Variants in NR1H4 observed in about 807,000 individuals in gnomAD.
NR1H4 encodes the protein bile acid receptor.
A neutral mutation model predicts 58.5 loss-of-function variants in NR1H4; 23 were observed. That is an observed-to-expected ratio of 0.39 (90% CI 0.28 to 0.56). The LOEUF (loss-of-function observed/expected upper bound fraction) is 0.56, where lower values mean the gene tolerates loss of function less well. NR1H4 is among the 20% of genes least tolerant of loss of function. The probability of loss-of-function intolerance (pLI) is 0.58; values close to 1 mark genes in which losing one functional copy is unlikely to be tolerated. For synonymous variants in NR1H4, 214 were observed against 198.0 expected (o/e 1.08, Z -0.68); for missense variants, 487 against 576.9 (o/e 0.84, Z 1.60).
At chr12:100,531,022 G>A (rs1159790497) in intron 4 of NR1H4, among the ~76,000 whole-genome samples, 1 of 152,158 alleles carries the variant, frequency 6.6e-6, no homozygotes, top group Non-Finnish European at 1.5e-5. Context: ...AGCCATTATG[G>A]GGTTATCTTA....
intron 1 of NR1H4, among the ~76,000 whole-genome samples, chr12:100,483,485 C>G (rs994494781): frequency 2.0e-5 from 3 of 152,062 alleles, no homozygotes; most frequent in African/African-American, 7.2e-5. Context: ...ATGATGTGGT[C>G]CAATGGTCAT....
At chr12:100,532,831 C>T (rs573221921) in intron 5 of NR1H4, among the ~76,000 whole-genome samples, 83 of 152,100 alleles carry the variant, frequency 5.5e-4, no homozygotes, top group Non-Finnish European at 9.9e-4. Flanking sequence ...TTTTCTTTGT[C>T]GCAGTGAACT....
At chr12:100,556,637 GTA>G (rs2136307896) in intron 9 of NR1H4, among the ~76,000 whole-genome samples, 1 of 152,286 alleles carries the variant, frequency 6.6e-6, no homozygotes, top group South Asian at 2.1e-4. Flanking sequence ...CTCGTGGCAT[GTA>G]TATATGTTTC....
chr12:100,555,710 C>T (rs186072756), intron 9 of NR1H4, among the ~76,000 whole-genome samples: 3 of 152,262 alleles, frequency 2.0e-5, no homozygotes, highest in Non-Finnish European at 2.9e-5. Context: ...TTATATTACA[C>T]GTGACAACAT....
At chr12:100,512,283 T>C (rs1487489331) in intron 4 of NR1H4, among the ~76,000 whole-genome samples, 2 of 151,938 alleles carry the variant, frequency 1.3e-5, no homozygotes, top group Admixed American at 6.6e-5. Flanking sequence ...ATGGATGCTA[T>C]AGAGAAATCA....
At chr12:100,488,126 G>A (rs372057746) in intron 1 of NR1H4, among the ~76,000 whole-genome samples, 7 of 152,034 alleles carry the variant, frequency 4.6e-5, no homozygotes, top group Admixed American at 2.6e-4. Context: ...TCAGCCTCTC[G>A]AGTAGCTGGG....
At chr12:100,519,117 C>T (rs75562460) in intron 4 of NR1H4, among the ~76,000 whole-genome samples, 83 of 152,086 alleles carry the variant, frequency 5.5e-4, no homozygotes, top group African/African-American at 1.5e-3. Flanking sequence ...GGTTGGTGTA[C>T]GAATTAACTG....
rs7304328 is a variant in NR1H4, at chr12:100,493,523, T to C, written c.79+121T>C. 72,193 of 668,952 alleles carry C rather than the reference T, an allele frequency of 0.11. 10,749 individuals are homozygous for C. Among genetic ancestry groups the C allele is most frequent in the East Asian group, 0.5 (18,110 of 36,456 alleles). The allele number at this position is 668,952 out of a possible 1,614,324, so 41.4% of individuals were successfully genotyped here. A position where few individuals can be genotyped will look rare whatever the true frequency, so the allele number is the denominator to read the frequency against. On this transcript the variant is annotated intron_variant, in intron 3 of 10. Coordinates refer to ENST00000392986, the MANE Select transcript of NR1H4 (RefSeq NM_001206979.2). ...AGAACATGTTTTTGTTCCTTCCAAG[T>C]ACTCAATCAATGTTAGCTACTCTGC...
At chr12:100,483,985 G>GAAA (rs61582838) in intron 1 of NR1H4, among the ~76,000 whole-genome samples, 842 of 70,174 alleles carry the variant, frequency 0.012, 15 homozygotes, top group African/African-American at 0.031. Flanking sequence ...CTCTGTCTCA[G>GAAA]AAAAAAAAAA....
intron 4 of NR1H4, among the ~76,000 whole-genome samples, chr12:100,513,801 A>AAAGGAAGG (rs199813041): frequency 0.016 from 1,838 of 115,844 alleles, 19 homozygotes; most frequent in Middle Eastern, 0.021. Context: ...TCAAAGACAG[A>AAAGGAAGG]AAGGAAGGAA....
At position 100,563,478 on chromosome 12, in the gene NR1H4, G is replaced by A. The variant is rs1198961142; in HGVS notation, c.1420G>A (p.Asp474Asn). 1.2e-6 allele frequency: 2 copies of A among 1,613,426 alleles called. No individual in the cohort carries two copies. The highest frequency in any genetic ancestry group is 2.2e-5 in the East Asian group (1 of 44,890). The change falls in exon 11 of 11, where the codon GAC becomes AAC. Residue 474 changes from aspartate to asparagine, a missense_variant. Asp to Asn is a conservative substitution (Grantham distance 23). Coordinates refer to ENST00000392986, the MANE Select transcript of NR1H4 (RefSeq NM_001206979.2). Reference sequence around the variant, plus strand: ...TACCCCACTTCTCTGTGAAATCTGGGACGTGCAGTGATGGGGATTACAGGG... The same window carrying A: ...TACCCCACTTCTCTGTGAAATCTGGAACGTGCAGTGATGGGGATTACAGGG... ...KFTPLLCEIWDVQ is the reference protein window; with the variant it reads ...KFTPLLCEIWNVQ
chr12:100,530,043 T>C (rs1954654873), intron 4 of NR1H4, among the ~76,000 whole-genome samples: 1 of 152,260 alleles, frequency 6.6e-6, no homozygotes. Context: ...TATATTATGC[T>C]GTAAATTTAC....
At chr12:100,508,136 A>G (rs1954013614) in intron 3 of NR1H4, among the ~76,000 whole-genome samples, 1 of 152,008 alleles carries the variant, frequency 6.6e-6, no homozygotes. Context: ...TGTTGGGAAG[A>G]CTTCCCAAGA....
intron 4 of NR1H4, among the ~76,000 whole-genome samples, chr12:100,522,237 A>C (rs1954443201): frequency 6.6e-6 from 1 of 152,028 alleles, no homozygotes; most frequent in Non-Finnish European, 1.5e-5. Context: ...GATGATGATG[A>C]TAGTAATAAT....
At position 100,552,778 on chromosome 12, in the gene NR1H4, A is replaced by T. The variant is rs539113415; in HGVS notation, c.1079-9107A>T. 1.2e-3 allele frequency among the ~76,000 whole-genome samples: 181 copies of T among 152,144 alleles called. 4 individuals carry two copies. The South Asian group carries it at 0.036, about 30-fold the overall frequency. ...TCTCTACAAAAAATAAAATGTCTGG[A>T]TGTGGTGGTGCATACCTGTAGTCCT... On this transcript the variant is annotated intron_variant, in intron 9 of 10. Transcript: ENST00000392986.
intron 4 of NR1H4, among the ~76,000 whole-genome samples, chr12:100,530,824 G>A (rs1046489157): frequency 6.6e-6 from 1 of 152,184 alleles, no homozygotes; most frequent in African/African-American, 2.4e-5. Flanking sequence ...GTTGCCCCAA[G>A]CCCAATGAAA....
intron 9 of NR1H4, among the ~76,000 whole-genome samples, chr12:100,554,701 C>T (rs887724573): frequency 2.0e-5 from 3 of 152,110 alleles, no homozygotes; most frequent in African/African-American, 7.2e-5. Context: ...AATAGCCCCC[C>T]CTTGTGACCA....
chr12:100,514,456 T>C (rs1954211715), intron 4 of NR1H4, among the ~76,000 whole-genome samples: 1 of 152,188 alleles, frequency 6.6e-6, no homozygotes, highest in African/African-American at 2.4e-5. Context: ...TTGACACTAT[T>C]GACATTTTAG....
At chr12:100,495,344 A>G (rs1207021814) in intron 3 of NR1H4, among the ~76,000 whole-genome samples, 3 of 151,908 alleles carry the variant, frequency 2.0e-5, no homozygotes, top group Admixed American at 6.6e-5. Flanking sequence ...GACCATTAGG[A>G]CTCCTTTTCC....
Sources: gnomAD v4.1 joint callset for allele counts (sites outside exome capture counted in the v4.1 genomes callset) on GRCh38, gnomAD v4.1.1 for gene constraint, MANE v1.5 for transcripts, NCBI Gene and HGNC (gene_info 2026-07-23, HGNC 2026-07-21) for gene names.